Variants in ITSN1 observed in about 807,000 individuals in gnomAD.
ITSN1 encodes the protein intersectin 1, also known as intersectin-1.
In ITSN1, 58 loss-of-function variants were observed where a neutral mutation model predicts 239.8. The observed-to-expected ratio is 0.24, with a 90% confidence interval of 0.20 to 0.30. The LOEUF (loss-of-function observed/expected upper bound fraction) is 0.30. Among genes scored for constraint, ITSN1 ranks in the 10% least tolerant of loss-of-function variants. The probability of loss-of-function intolerance (pLI) is 1.00; values close to 1 mark genes in which losing one functional copy is unlikely to be tolerated. For synonymous variants in ITSN1, 780 were observed against 770.8 expected, an observed-to-expected ratio of 1.01 and a Z score of -0.20; for missense variants, 1,558 against 2,103.3, an observed-to-expected ratio of 0.74 and a Z score of 5.07.
chr21:33,717,651 G>A lies in ITSN1; in HGVS notation c.-32-1146G>A, dbSNP rs577917248. ...GCTCACTGCAAGCTCCATCTCCTGGGTTCACGCCATTCTCCTGCCTCAGCC... is the reference window on the plus strand; with the variant it reads ...GCTCACTGCAAGCTCCATCTCCTGGATTCACGCCATTCTCCTGCCTCAGCC... On this transcript the variant is annotated intron_variant, in intron 1 of 39. Coordinates refer to ENST00000381318, the MANE Select transcript of ITSN1 (RefSeq NM_003024.3). 4.1e-4 allele frequency among the ~76,000 whole-genome samples: 63 copies of A among 152,132 alleles called. 2 individuals are homozygous for A. In the South Asian group the frequency reaches 0.013, roughly 31 times the overall value.
chr21:33,729,309 G>A (rs1270435708), intron 4 of ITSN1, among the ~76,000 whole-genome samples: 1 of 151,736 alleles, frequency 6.6e-6, no homozygotes, highest in East Asian at 1.9e-4. Flanking sequence ...AATTATCCAG[G>A]TATGGTGGCA....
At chr21:33,767,665 C>T in intron 10 of ITSN1, 48 bp from the exon 11 acceptor site, 1 of 1,058,250 alleles carries the variant, frequency 9.4e-7, no homozygotes, top group Non-Finnish European at 1.4e-6. Flanking sequence ...CCAACTCCAC[C>T]CAGACAGCTC....
chr21:33,886,297 C>T lies in ITSN1; in HGVS notation c.4854C>T (p.Asn1618=). Residue 1618 remains asparagine (N), a synonymous_variant, in exon 39 of 40, where the codon AAC becomes AAT. Transcript: ENST00000381318. ...LKPCRSHGKS[N]PYCEVTMGSQ... ...TTTTGTTCCCTCCAGGAAAGAGCAA[C>T]CCGTACTGTGAGGTGACCATGGGTT... 6.2e-7 allele frequency: 1 copy of T among 1,613,936 alleles called. No individual in the cohort carries two copies. Among genetic ancestry groups the T allele is most frequent in the South Asian group, 1.1e-5 (1 of 91,072 alleles).
At chr21:33,788,176 A>ATGCTTCCCAAGGG (rs2070817942) in intron 16 of ITSN1, among the ~76,000 whole-genome samples, 1 of 152,140 alleles carries the variant, frequency 6.6e-6, no homozygotes, top group Admixed American at 6.5e-5. Flanking sequence ...CTTTCTGGTA[A>ATGCTTCCCAAGGG]TGCTTCCCAA....
intron 1 of ITSN1, among the ~76,000 whole-genome samples, chr21:33,694,466 A>T (rs2091701850): frequency 6.6e-6 from 1 of 152,216 alleles, no homozygotes; most frequent in Admixed American, 6.5e-5. Context: ...TTCTTATGGC[A>T]GATTTGCAGG....
chr21:33,723,687 C>T (rs892378870), intron 4 of ITSN1, among the ~76,000 whole-genome samples: 1 of 152,114 alleles, frequency 6.6e-6, no homozygotes, highest in African/African-American at 2.4e-5. Context: ...TTCAGTGTCT[C>T]TGATTTGGAG....
At chr21:33,777,924 T>C (rs966022528) in intron 14 of ITSN1, among the ~76,000 whole-genome samples, 1 of 152,232 alleles carries the variant, frequency 6.6e-6, no homozygotes, top group Non-Finnish European at 1.5e-5. Flanking sequence ...CCAGGGTTCT[T>C]GTAAACACCT....
intron 18 of ITSN1, among the ~76,000 whole-genome samples, chr21:33,798,918 C>T (rs569801769): frequency 2.3e-4 from 35 of 152,028 alleles, no homozygotes; most frequent in African/African-American, 8.0e-4. Context: ...CACCATTGAT[C>T]TTAGGAAGTT....
intron 5 of ITSN1, among the ~76,000 whole-genome samples, chr21:33,737,698 C>T (rs1431743589): frequency 2.0e-5 from 3 of 152,040 alleles, no homozygotes; most frequent in East Asian, 1.9e-4. Flanking sequence ...CTCAGCCTCC[C>T]GAGTAGCTGG....
At chr21:33,721,153 TG>T in intron 2 of ITSN1, 24 bp from the exon 3 acceptor site, 1 of 1,521,794 alleles carries the variant, frequency 6.6e-7, no homozygotes, top group Non-Finnish European at 9.1e-7. Flanking sequence ...CTGAATAATT[TG>T]TTTGTCTTTT....
chr21:33,681,581 A>C lies in ITSN1; in HGVS notation c.-32-37216A>C, dbSNP rs554677715. On this transcript the variant is annotated intron_variant, in intron 1 of 39. Coordinates refer to ENST00000381318, the MANE Select transcript of ITSN1 (RefSeq NM_003024.3). The stretch of plus-strand genomic sequence containing the variant: ...AAAAGAAAGTAAACAGATTATTTTC[A>C]TGCTATTTGATGCCTCCGCTTAGTT... 8.6e-4 allele frequency among the ~76,000 whole-genome samples: 131 copies of C among 151,950 alleles called. 1 individual carries two copies. Among genetic ancestry groups the C allele is most frequent in the Non-Finnish European group, 1.0e-3 (70 of 67,958 alleles).
At chr21:33,680,372 C>T (rs1298338061) in intron 1 of ITSN1, among the ~76,000 whole-genome samples, 3 of 147,768 alleles carry the variant, frequency 2.0e-5, no homozygotes, top group Non-Finnish European at 4.4e-5. Context: ...CTGTCTGTTG[C>T]CCAAGCTGGA....
At chr21:33,689,505 A>G (rs1346391288) in intron 1 of ITSN1, 3 of 152,156 alleles carry the variant, frequency 2.0e-5, no homozygotes, top group Non-Finnish European at 4.4e-5. Context: ...CCCTGTCTCT[A>G]CAAAAAATAA....
At chr21:33,661,520 G>A (rs1456553518) in intron 1 of ITSN1, among the ~76,000 whole-genome samples, 5 of 152,100 alleles carry the variant, frequency 3.3e-5, no homozygotes, top group African/African-American at 1.2e-4. Context: ...TAAGGTGGGA[G>A]CAGTTTTACC....
In ITSN1 at chr21:33,894,651, G is replaced by A. The variant is rs995257461; in HGVS notation, c.*6351G>A. The A allele has an allele frequency of 6.6e-6, 1 of 152,160 alleles. No individual in the cohort carries two copies. The highest frequency in any genetic ancestry group is 1.5e-5 in the Non-Finnish European group (1 of 68,026). The allele number at this position is 152,160 out of a possible 1,614,324, so 9.4% of individuals were successfully genotyped here. A position where few individuals can be genotyped will look rare whatever the true frequency, so the allele number is the denominator to read the frequency against. On this transcript the variant is annotated 3_prime_UTR_variant, in exon 40 of 40. Transcript: ENST00000381318. Reference sequence around the variant, plus strand: ...GAATGCGTATTTTCTTCTTCCAGAAGTTCTGGTTTTATACTTTTATCTTTT... The same window carrying A: ...GAATGCGTATTTTCTTCTTCCAGAAATTCTGGTTTTATACTTTTATCTTTT...
In ITSN1 at chr21:33,818,422, C is replaced by G; in HGVS notation, c.2883C>G (p.Phe961Leu). Residue 961 changes from phenylalanine to leucine, a missense_variant, in exon 23 of 40, where the codon TTC (phenylalanine) becomes TTG (leucine). Around this residue, in one of 2 missense-constraint regions of ITSN1, gnomAD observed 982 missense variants for 1,209.9 expected, o/e 0.81. Coordinates refer to ENST00000381318, the MANE Select transcript of ITSN1 (RefSeq NM_003024.3). ...AAGTTCAAGGTCAGAAGGGTTGGTT[C>G]CCCAAGTCTTACGTGAAACTCATTT... is the stretch of plus-strand genomic sequence containing the variant. Reference protein sequence around the residue: ...FGEVQGQKGWFPKSYVKLISG... With the variant: ...FGEVQGQKGWLPKSYVKLISG... 1.2e-6 allele frequency: 2 copies of G among 1,614,174 alleles called. No individual in the cohort carries two copies. The highest frequency in any genetic ancestry group is 1.7e-6 in the Non-Finnish European group (2 of 1,180,032).
intron 12 of ITSN1, among the ~76,000 whole-genome samples, chr21:33,773,075 C>T (rs1224230261): frequency 6.7e-6 from 1 of 149,984 alleles, no homozygotes; most frequent in African/African-American, 2.5e-5. Flanking sequence ...GGCATGATCT[C>T]AGCTCACTGC....
At position 33,869,768 on chromosome 21, in the gene ITSN1, G is replaced by A. The variant is rs982908236; in HGVS notation, c.4173+2437G>A. On this transcript the variant is annotated intron_variant, in intron 33 of 39. Coordinates refer to ENST00000381318, the MANE Select transcript of ITSN1 (RefSeq NM_003024.3). Reference sequence around the variant, plus strand: ...TAGAAACTCAGATGTGGGCACTGGCGTGCTCATTGCTACTGGGGTGATTTT... The same window carrying A: ...TAGAAACTCAGATGTGGGCACTGGCATGCTCATTGCTACTGGGGTGATTTT... Among the ~76,000 whole-genome samples, 8 of 152,044 alleles carry A rather than the reference G, an allele frequency of 5.3e-5. No individual in the cohort carries two copies. The East Asian group carries it at 5.8e-4, about 11-fold the overall frequency.
intron 11 of ITSN1, among the ~76,000 whole-genome samples, chr21:33,769,937 C>T (rs1215806496): frequency 6.6e-6 from 1 of 151,998 alleles, no homozygotes; most frequent in Non-Finnish European, 1.5e-5. Flanking sequence ...TTTAGGTGAT[C>T]CACCCACCTT....
Sources: allele counts gnomAD v4.1 joint callset (sites outside exome capture counted in the v4.1 genomes callset), GRCh38; gene constraint gnomAD v4.1.1; regional missense constraint gnomAD v4.1.1; transcripts MANE v1.5; gene names NCBI Gene and HGNC (gene_info 2026-07-23, HGNC 2026-07-21).